The following RABGAP1L variants were observed in gnomAD, a reference collection of about 807,000 sequenced individuals.
RABGAP1L encodes RAB GTPase activating protein 1 like, also known as rab GTPase-activating protein 1-like.
In RABGAP1L, 63 loss-of-function variants were observed where a neutral mutation model predicts 137.7. The ratio of observed to expected loss-of-function variants is 0.46; its 90% confidence interval spans 0.37 to 0.56. The LOEUF is 0.56. Among genes scored for constraint, RABGAP1L ranks in the 20% least tolerant of loss-of-function variants. The probability of loss-of-function intolerance (pLI) is 0.00; values close to 1 mark genes in which losing one functional copy is unlikely to be tolerated. For missense variants in RABGAP1L, 1,095 were observed against 1,244.0 expected (o/e 0.88, Z 1.80); for synonymous variants, 431 against 433.7 (o/e 0.99, Z 0.08).
chr1:174,934,694 G>A (rs1375977752), intron 19 of RABGAP1L, among the ~76,000 whole-genome samples: 1 of 152,138 alleles, frequency 6.6e-6, no homozygotes. Context: ...AGGAGGGTAA[G>A]ATGGTAGAAT....
chr1:174,346,736 T>G (rs1682466983), intron 11 of RABGAP1L, among the ~76,000 whole-genome samples: 1 of 151,994 alleles, frequency 6.6e-6, no homozygotes, highest in African/African-American at 2.4e-5. Flanking sequence ...TCTGGTGTGA[T>G]ATTTATTATT....
chr1:174,848,506 C>A (rs1405685950), intron 19 of RABGAP1L, among the ~76,000 whole-genome samples: 1 of 149,360 alleles, frequency 6.7e-6, no homozygotes, highest in African/African-American at 2.5e-5. Context: ...GTCAGTTTGC[C>A]CCTGCTGGGG....
At chr1:174,371,312 CT>C (rs1685095801) in intron 12 of RABGAP1L, among the ~76,000 whole-genome samples, 1 of 151,882 alleles carries the variant, frequency 6.6e-6, no homozygotes, top group African/African-American at 2.4e-5. Context: ...ATGTCTTTGT[CT>C]TATTATTTCA....
At chr1:174,169,422 A>G (rs958909507) in intron 1 of RABGAP1L, among the ~76,000 whole-genome samples, 8 of 152,044 alleles carry the variant, frequency 5.3e-5, no homozygotes, top group Non-Finnish European at 7.4e-5. Flanking sequence ...TATTTTCACT[A>G]TGTTGGCCAG....
intron 13 of RABGAP1L, among the ~76,000 whole-genome samples, chr1:174,577,834 G>A (rs1240985139): frequency 6.6e-6 from 1 of 152,194 alleles, no homozygotes; most frequent in African/African-American, 2.4e-5. Context: ...ACTTAACTGT[G>A]AATTTTATTA....
At chr1:174,539,204 G>A (rs1420089562) in intron 13 of RABGAP1L, among the ~76,000 whole-genome samples, 1 of 151,920 alleles carries the variant, frequency 6.6e-6, no homozygotes, top group African/African-American at 2.4e-5. Context: ...CTTAGTTGGA[G>A]GTTAAACTTA....
chr1:174,195,918 T>A (rs1667653460), intron 1 of RABGAP1L, among the ~76,000 whole-genome samples: 1 of 143,494 alleles, frequency 7.0e-6, no homozygotes, highest in African/African-American at 2.6e-5. Flanking sequence ...TCACTGCAAC[T>A]TCCACCTCCT....
intron 25 of RABGAP1L, 71 bp from the exon 26 acceptor site, chr1:174,989,772 AAGCTGC>A: frequency 3.4e-6 from 5 of 1,473,420 alleles, no homozygotes. Context: ...AGACTCCAAA[AAGCTGC>A]ACACTTTTAT....
At chr1:174,190,614 C>G (rs570280957) in intron 1 of RABGAP1L, among the ~76,000 whole-genome samples, 2 of 152,316 alleles carry the variant, frequency 1.3e-5, no homozygotes, top group South Asian at 4.1e-4. Context: ...GATATTCTAT[C>G]CAAAGCACTA....
Position 174,691,921 on chromosome 1 carries a change from C to T in RABGAP1L, c.1900-7604C>T, listed in dbSNP as rs114059859. On this transcript the variant is annotated intron_variant, in intron 15 of 25. Coordinates refer to ENST00000681986, the MANE Select transcript of RABGAP1L (RefSeq NM_001366446.1). ...GACAGTACAACCTAGCATTGCATCT[C>T]ACATCTTGGTTGATTTTCTTTATGC... Among the ~76,000 whole-genome samples, 655 of 152,162 alleles carry T rather than the reference C, an allele frequency of 4.3e-3. 8 individuals carry two copies. Among genetic ancestry groups the T allele is most frequent in the African/African-American group, 0.015 (605 of 41,508 alleles).
intron 19 of RABGAP1L, among the ~76,000 whole-genome samples, chr1:174,860,042 G>A (rs1650027318): frequency 6.7e-6 from 1 of 148,796 alleles, no homozygotes; most frequent in African/African-American, 2.5e-5. Flanking sequence ...TTAATACAAG[G>A]AGGCATGATT....
intron 13 of RABGAP1L, among the ~76,000 whole-genome samples, chr1:174,466,522 C>T (rs1414061431): frequency 6.6e-6 from 1 of 152,134 alleles, no homozygotes; most frequent in African/African-American, 2.4e-5. Flanking sequence ...CATGGTGGCT[C>T]ACGCCTGTAA....
At chr1:174,884,635 T>C (rs1654785773) in intron 19 of RABGAP1L, among the ~76,000 whole-genome samples, 1 of 152,232 alleles carries the variant, frequency 6.6e-6, no homozygotes, top group African/African-American at 2.4e-5. Flanking sequence ...AATAAAATCT[T>C]GTGCTATCTT....
chr1:174,659,447 G>A (rs1293117864), intron 14 of RABGAP1L, among the ~76,000 whole-genome samples: 2 of 152,106 alleles, frequency 1.3e-5, no homozygotes, highest in African/African-American at 4.8e-5. Flanking sequence ...GCACCATCGT[G>A]CACTGTTGAT....
intron 13 of RABGAP1L, among the ~76,000 whole-genome samples, chr1:174,423,462 A>G (rs1053441210): frequency 3.4e-5 from 5 of 145,480 alleles, no homozygotes; most frequent in Admixed American, 2.0e-4. Context: ...ATGTACTATG[A>G]ATAAAACTGC....
intron 20 of RABGAP1L, among the ~76,000 whole-genome samples, chr1:174,958,354 G>C (rs1668794332): frequency 1.3e-5 from 2 of 152,194 alleles, no homozygotes. Context: ...AGGATGCAAA[G>C]TTGGGAAACA....
At chr1:174,884,982 C>T (rs1001501698) in intron 19 of RABGAP1L, among the ~76,000 whole-genome samples, 1 of 152,214 alleles carries the variant, frequency 6.6e-6, no homozygotes, top group Non-Finnish European at 1.5e-5. Flanking sequence ...CCTGAGCACA[C>T]ACTCAAACTA....
chr1:174,677,129 C>T (rs57353443), intron 14 of RABGAP1L, among the ~76,000 whole-genome samples: 16,139 of 141,670 alleles, frequency 0.11, 997 homozygotes, highest in East Asian at 0.22. Flanking sequence ...TGAGACCAGT[C>T]TAGGCAACAT....
At chr1:174,942,680 C>T (rs998442978) in intron 19 of RABGAP1L, among the ~76,000 whole-genome samples, 1 of 152,150 alleles carries the variant, frequency 6.6e-6, no homozygotes, top group Non-Finnish European at 1.5e-5. Context: ...GCACTCAGTG[C>T]CTGGCACATA....
Sources: gnomAD v4.1 joint callset for allele counts (sites outside exome capture counted in the v4.1 genomes callset) on GRCh38, gnomAD v4.1.1 for gene constraint, MANE v1.5 for transcripts, NCBI Gene and HGNC (gene_info 2026-07-23, HGNC 2026-07-21) for gene names.